Variants in PNMA8B observed in about 807,000 individuals in gnomAD.
PNMA8B encodes the protein PNMA family member 8B.
For missense variants in PNMA8B, 887 were observed against 885.8 expected, an observed-to-expected ratio of 1.00 and a Z score of -0.02; for synonymous variants, 386 against 394.9, an observed-to-expected ratio of 0.98 and a Z score of 0.27.
In PNMA8B at chr19:46,494,106, G is replaced by A; in HGVS notation, c.1360C>T (p.Leu454Phe). ...TCCGCCATGTCCTGGGCAGCCAGGA[G>A]CGCCACCAGCTCCAGAAGACCCCCT... ...DEGGLLELVA[L>F]LAAQDMAEVM... Residue 454 changes from leucine (L) to phenylalanine (F), a missense_variant, in exon 1 of 1, where the codon CTC (leucine) becomes TTC (phenylalanine). Leu to Phe is a conservative substitution (Grantham distance 22, BLOSUM62 0). Transcript: ENST00000599531. 2 of 1,612,388 alleles carry A rather than the reference G, an allele frequency of 1.2e-6. No homozygotes were observed. The highest frequency in any genetic ancestry group is 1.7e-6 in the Non-Finnish European group (2 of 1,179,830).
chr19:46,494,745 A>G lies in PNMA8B; in HGVS notation c.721T>C (p.Cys241Arg). The G allele has an allele frequency of 6.2e-7, 1 of 1,613,870 alleles. No homozygotes were observed. The highest frequency in any genetic ancestry group is 8.5e-7 in the Non-Finnish European group (1 of 1,179,866). ...CCGTCTTCTTCCCCCTCGGAGTTGC[A>G]GGGCGCCCACTGCCTAACCAGCTCC... ...ARELVRQWAP[C>R]NSEGEEDGPR... Residue 241 changes from cysteine (C) to arginine (R), a missense_variant, in exon 1 of 1, where the codon TGC (cysteine) becomes CGC (arginine). Cys to Arg is a radical substitution (Grantham distance 180). Coordinates refer to ENST00000599531, the MANE Select transcript of PNMA8B (RefSeq NM_020709.3).
rs918353658 is a variant in PNMA8B at position 46,493,478 on chromosome 19, G to C, written c.*80C>G. On this transcript the variant is annotated 3_prime_UTR_variant, in exon 1 of 1. Transcript: ENST00000599531. This position sits in a 1 kb window ranked among gnomAD's most constrained non-coding sequence, Gnocchi z 5.3. ...TTGCGTCTGCGGAGGACAGGAAGAG[G>C]GGAGGGGAGGGCGGGGGCCACAGGC... 26 of 884,482 alleles carry C rather than the reference G, an allele frequency of 2.9e-5. No individual in the cohort carries two copies. Among genetic ancestry groups the C allele is most frequent in the Non-Finnish European group, 3.8e-5 (25 of 655,422 alleles). The allele number at this position is 884,482 out of a possible 1,614,324, so 54.8% of individuals were successfully genotyped here. A position where few individuals can be genotyped will look rare whatever the true frequency, so the allele number is the denominator to read the frequency against.
Position 46,493,210 on chromosome 19 carries a change from C to T in PNMA8B, c.*348G>A. On this transcript the variant is annotated 3_prime_UTR_variant, in exon 1 of 1. Coordinates refer to ENST00000599531, the MANE Select transcript of PNMA8B (RefSeq NM_020709.3). The surrounding 1 kb of genome is among the most constrained non-coding windows in gnomAD (Gnocchi z 5.3). Reference sequence around the variant, plus strand: ...AGAGCGCCACGAAGAGCCCTGCTCGCCTCTGCAGGTGCCCGGCGTCCACAC... The same window carrying T: ...AGAGCGCCACGAAGAGCCCTGCTCGTCTCTGCAGGTGCCCGGCGTCCACAC... 1 of 216,430 alleles carries T rather than the reference C, an allele frequency of 4.6e-6. No homozygotes were observed. The highest frequency in any genetic ancestry group is 9.1e-6 in the Non-Finnish European group (1 of 109,714). 13.4% of individuals were successfully genotyped at this position (216,430 alleles called of 1,614,324 possible). A position where few individuals can be genotyped will look rare whatever the true frequency, so the allele number is the denominator to read the frequency against.
Position 46,495,083 on chromosome 19 carries a change from G to C in PNMA8B, c.383C>G (p.Pro128Arg), listed in dbSNP as rs1412759793. 2 of 1,612,658 alleles carry C rather than the reference G, an allele frequency of 1.2e-6. No homozygotes were observed. The highest frequency in any genetic ancestry group is 1.7e-6 in the Non-Finnish European group (2 of 1,179,802). The change falls in exon 1 of 1, where the codon CCC (proline) becomes CGC (arginine). Residue 128 changes from proline to arginine, a missense_variant. Transcript: ENST00000599531. ...CTGCGTCTCCGAAGCGGGAGGGGTG[G>C]GTGCCTCCCCGGGGGTCCCAGCCTC... ...AAEAGTPGEA[P>R]TPPASETQAQ...
Position 46,493,731 on chromosome 19 carries a change from TCC to T in PNMA8B, c.1733_1734del (p.Gly578GlufsTer55). On this transcript the variant is annotated frameshift_variant, in exon 1 of 1. Transcript: ENST00000599531. LOFTEE classifies it low-confidence loss of function (END_TRUNC). This position sits in a 1 kb window ranked among gnomAD's most constrained non-coding sequence, Gnocchi z 5.3. ...GRGVTPEKKA[G>X]SRGSAQDDAA... ...GCGTCGTCCTGGGCCGAGCCCCGGCTCCCGGCTTTCTTCTCGGGAGTGACGCC... is the reference window on the plus strand; with the variant it reads ...GCGTCGTCCTGGGCCGAGCCCCGGCTCGGCTTTCTTCTCGGGAGTGACGCC... The T allele has an allele frequency of 6.7e-7, 1 of 1,492,330 alleles. No homozygotes were observed. Among genetic ancestry groups the T allele is most frequent in the South Asian group, 1.3e-5 (1 of 78,072 alleles). The allele number at this position is 1,492,330 out of a possible 1,614,324, so 92.4% of individuals were successfully genotyped here.
At position 46,495,292 on chromosome 19, in the gene PNMA8B, C is replaced by T. The variant is rs1970077881; in HGVS notation, c.174G>A (p.Met58Ile). 4.2e-6 allele frequency: 6 copies of T among 1,441,718 alleles called. No homozygotes were observed. The highest frequency in any genetic ancestry group is 1.1e-5 in the South Asian group (1 of 87,800). The allele number at this position is 1,441,718 out of a possible 1,614,324, so 89.3% of individuals were successfully genotyped here. A position where few individuals can be genotyped will look rare whatever the true frequency, so the allele number is the denominator to read the frequency against. The change falls in exon 1 of 1, where the codon ATG becomes ATA. Residue 58 changes from methionine to isoleucine, a missense_variant. Transcript: ENST00000599531. ...TFRLRHMKAL[M>I]NEKAQAALVE... ...CCAGGGCGGCCTGGGCCTTCTCGTT[C>T]ATCAAAGCCTTCATGTGTCGCAACC... is the stretch of plus-strand genomic sequence containing the variant.
Position 46,493,894 on chromosome 19 carries a change from C to A in PNMA8B, c.1572G>T (p.Glu524Asp), listed in dbSNP as rs551063520. Reference sequence around the variant, plus strand: ...GCTTCCTGGATGCCCTGTCCTCCGGCTCCGACGCCTCGCTCTCGGTGTCCT... The same window carrying A: ...GCTTCCTGGATGCCCTGTCCTCCGGATCCGACGCCTCGCTCTCGGTGTCCT... ...ESEDTESEAS[E>D]PEDRASRKPR... The change falls in exon 1 of 1, where the codon GAG becomes GAT. Residue 524 changes from glutamate to aspartate, a missense_variant. Coordinates refer to ENST00000599531, the MANE Select transcript of PNMA8B (RefSeq NM_020709.3). The surrounding 1 kb of genome is among the most constrained non-coding windows in gnomAD (Gnocchi z 5.3). 1 of 1,562,348 alleles carries A rather than the reference C, an allele frequency of 6.4e-7. No homozygotes were observed.
rs369389159 is a variant in PNMA8B at position 46,493,839 on chromosome 19, T to A, written c.1627A>T (p.Arg543Trp). 13 of 1,459,258 alleles carry A rather than the reference T, an allele frequency of 8.9e-6. No homozygotes were observed. The African/African-American group carries it at 1.3e-4, about 15-fold the overall frequency. The allele number at this position is 1,459,258 out of a possible 1,614,324, so 90.4% of individuals were successfully genotyped here. ...PRAKRARTAP[R>W]GLTPAGAPPT... Reference sequence around the variant, plus strand: ...GGCGCGCCGGCCGGAGTCAGGCCCCTGGGGGCCGTGCGCGCCCTCTTGGCC... The same window carrying A: ...GGCGCGCCGGCCGGAGTCAGGCCCCAGGGGGCCGTGCGCGCCCTCTTGGCC... The change falls in exon 1 of 1, where the codon AGG becomes TGG. Residue 543 changes from arginine to tryptophan, a missense_variant. Physicochemically the swap from Arg to Trp is moderately radical, Grantham distance 101 (BLOSUM62 -3). Transcript: ENST00000599531. This position sits in a 1 kb window ranked among gnomAD's most constrained non-coding sequence, Gnocchi z 5.3.
rs1224266971 is a variant in PNMA8B, at chr19:46,492,713, G to C, written c.*845C>G. 6.6e-6 allele frequency: 1 copy of C among 152,424 alleles called. No individual in the cohort carries two copies. The highest frequency in any genetic ancestry group is 1.5e-5 in the Non-Finnish European group (1 of 68,172). The allele number at this position is 152,424 out of a possible 1,614,324, so 9.4% of individuals were successfully genotyped here. On this transcript the variant is annotated 3_prime_UTR_variant, in exon 1 of 1. Transcript: ENST00000599531. ...TATGGGAGGGGCCAGGGCCCACTCA[G>C]CCCAGAAGAACCAAAACTGGATTTT...
rs1970060089 is a variant in PNMA8B at position 46,494,489 on chromosome 19, T to C, written c.977A>G (p.Glu326Gly). 6.2e-7 allele frequency: 1 copy of C among 1,613,862 alleles called. No homozygotes were observed. Among genetic ancestry groups the C allele is most frequent in the South Asian group, 1.1e-5 (1 of 91,086 alleles). ...GGCCACGAACTCAGGATTATCCAAC[T>C]CCTCTGTTTCTTGGTCCCCACTTTC... ...SQESGDQETE[E>G]LDNPEFVAIV... The change falls in exon 1 of 1, where the codon GAG (glutamate) becomes GGG (glycine). Residue 326 changes from glutamate to glycine, a missense_variant. Transcript: ENST00000599531.
In PNMA8B at chr19:46,493,858, C is replaced by G; in HGVS notation, c.1608G>C (p.Lys536Asn). The change falls in exon 1 of 1, where the codon AAG becomes AAC. Residue 536 changes from lysine (K) to asparagine (N), a missense_variant. Coordinates refer to ENST00000599531, the MANE Select transcript of PNMA8B (RefSeq NM_020709.3). The surrounding 1 kb of genome is among the most constrained non-coding windows in gnomAD (Gnocchi z 5.3). ...GGCCCCTGGGGGCCGTGCGCGCCCT[C>G]TTGGCCCGGGGCTTCCTGGATGCCC... The part of the protein sequence containing the change: ...EDRASRKPRA[K>N]RARTAPRGLT... 6.6e-7 allele frequency: 1 copy of G among 1,512,108 alleles called. No individual in the cohort carries two copies. Among genetic ancestry groups the G allele is most frequent in the South Asian group, 1.3e-5 (1 of 75,844 alleles). 93.7% of individuals were successfully genotyped at this position (1,512,108 alleles called of 1,614,324 possible). A position where few individuals can be genotyped will look rare whatever the true frequency, so the allele number is the denominator to read the frequency against.
In PNMA8B at chr19:46,494,330, A is replaced by G; in HGVS notation, c.1136T>C (p.Met379Thr). 6.2e-7 allele frequency: 1 copy of G among 1,613,194 alleles called. No homozygotes were observed. Among genetic ancestry groups the G allele is most frequent in the African/African-American group, 1.3e-5 (1 of 75,070 alleles). Residue 379 changes from methionine to threonine, a missense_variant, in exon 1 of 1, where the codon ATG becomes ACG. Transcript: ENST00000599531. The part of the protein sequence containing the change: ...RDPLRQVLSV[M>T]SKDTNGTRVK... ...GCGGGTCCCGTTAGTGTCCTTGGAC[A>G]TGACGGACAAGACCTGTCGGAGGGG...
At position 46,493,725 on chromosome 19, in the gene PNMA8B, C is replaced by CCCGGCT. The variant is rs1239108553; in HGVS notation, c.1735_1740dup (p.Ser579_Arg580dup). ...CCTGCGGCGTCGTCCTGGGCCGAGC[C>CCCGGCT]CCGGCTCCCGGCTTTCTTCTCGGGA... is the stretch of plus-strand genomic sequence containing the variant. On this transcript the variant is annotated inframe_insertion, in exon 1 of 1. Coordinates refer to ENST00000599531, the MANE Select transcript of PNMA8B (RefSeq NM_020709.3). The surrounding 1 kb of genome is among the most constrained non-coding windows in gnomAD (Gnocchi z 5.3). The CCCGGCT allele has an allele frequency of 6.7e-7, 1 of 1,495,404 alleles. No individual in the cohort carries two copies. The highest frequency in any genetic ancestry group is 2.8e-5 in the East Asian group (1 of 36,286). The allele number at this position is 1,495,404 out of a possible 1,614,324, so 92.6% of individuals were successfully genotyped here. A position where few individuals can be genotyped will look rare whatever the true frequency, so the allele number is the denominator to read the frequency against.
Position 46,494,847 on chromosome 19 carries a change from C to A in PNMA8B, c.619G>T (p.Glu207Ter), listed in dbSNP as rs564007042. 3.7e-6 allele frequency: 6 copies of A among 1,613,372 alleles called. No individual in the cohort carries two copies. Among genetic ancestry groups the A allele is most frequent in the Non-Finnish European group, 5.1e-6 (6 of 1,179,892 alleles). ...CTCAGGTCGCCCTGGTCGATCTCCT[C>A]GATCACGATGCCCAGGCTCTCGTCG... The part of the protein sequence containing the change: ...SSDESLGIVI[E>*]EIDQGDLSGE... Residue 207 changes from glutamate (E) to a stop codon, truncating the protein, a stop_gained, in exon 1 of 1, where the codon GAG becomes TAG. Transcript: ENST00000599531. LOFTEE classifies it low-confidence loss of function (END_TRUNC).
chr19:46,493,633 C>T lies in PNMA8B; in HGVS notation c.1833G>A (p.Gln611=), dbSNP rs1361704424. ...GCGCGGCCTTGGATCCAGTGGGCGC[C>T]TGGCCCTTGGCCTCGCCTGCCCTGG... The part of the protein sequence containing the change: ...AHARAGEAKG[Q]APTGSKAARG... Residue 611 remains glutamine, a synonymous_variant, in exon 1 of 1, where the codon CAG becomes CAA. Transcript: ENST00000599531. This position sits in a 1 kb window ranked among gnomAD's most constrained non-coding sequence, Gnocchi z 5.3. 2 of 1,534,172 alleles carry T rather than the reference C, an allele frequency of 1.3e-6. No individual in the cohort carries two copies. The highest frequency in any genetic ancestry group is 1.9e-5 in the Admixed American group (1 of 51,334).
In PNMA8B at chr19:46,494,027, G is replaced by T; in HGVS notation, c.1439C>A (p.Pro480His). The part of the protein sequence containing the change: ...NAWEGGKYKY[P>H]KGKLGEVLAL... ...CAATACCTCCCCCAGTTTGCCTTTGGGGTATTTGTACTTCCCGCCTTCCCA... is the reference window on the plus strand; with the variant it reads ...CAATACCTCCCCCAGTTTGCCTTTGTGGTATTTGTACTTCCCGCCTTCCCA... Residue 480 changes from proline (P) to histidine (H), a missense_variant, in exon 1 of 1, where the codon CCC becomes CAC. By Grantham distance (77) the Pro-to-His change is moderately conservative (BLOSUM62 -2). Transcript: ENST00000599531. 1.2e-6 allele frequency: 2 copies of T among 1,613,528 alleles called. No individual in the cohort carries two copies. The highest frequency in any genetic ancestry group is 2.2e-5 in the South Asian group (2 of 91,062).
In PNMA8B at chr19:46,494,962, G is replaced by C; in HGVS notation, c.504C>G (p.Thr168=). The C allele has an allele frequency of 6.2e-7, 1 of 1,609,416 alleles. No homozygotes were observed. Residue 168 remains threonine (T), a synonymous_variant, in exon 1 of 1, where the codon ACC becomes ACG. Transcript: ENST00000599531. ...RRGRRGRRNR[T]RRNRLTQKGK... The stretch of plus-strand genomic sequence containing the variant: ...CCTTCTGGGTCAACCTGTTGCGTCT[G>C]GTTCTGTTTCTGCGACCCCGACGGC...
Position 46,493,291 on chromosome 19 carries a change from C to G in PNMA8B, c.*267G>C, listed in dbSNP as rs1048275507. On this transcript the variant is annotated 3_prime_UTR_variant, in exon 1 of 1. Transcript: ENST00000599531. The surrounding 1 kb of genome is among the most constrained non-coding windows in gnomAD (Gnocchi z 5.3). ...CCAATCCTGGTCCACTTGGCGCGTC[C>G]CCATCTCGGCCCTGCGCTGCTGCCT... 1.4e-5 allele frequency: 5 copies of G among 364,812 alleles called. No homozygotes were observed. The highest frequency in any genetic ancestry group is 1.9e-5 in the Non-Finnish European group (4 of 205,218). The allele number at this position is 364,812 out of a possible 1,614,324, so 22.6% of individuals were successfully genotyped here.
chr19:46,493,912 G>A lies in PNMA8B; in HGVS notation c.1554C>T (p.Thr518=), dbSNP rs759433142. 2 of 1,577,564 alleles carry A rather than the reference G, an allele frequency of 1.3e-6. No homozygotes were observed. Among genetic ancestry groups the A allele is most frequent in the South Asian group, 1.1e-5 (1 of 88,984 alleles). ...CCTCCGGCTCCGACGCCTCGCTCTC[G>A]GTGTCCTCCGACTCCTCCTCGGACT... ...DEQSEEESED[T]ESEASEPEDR... is the part of the protein sequence containing the mutation. Residue 518 remains threonine (T), a synonymous_variant, in exon 1 of 1, where the codon ACC becomes ACT. Transcript: ENST00000599531. The surrounding 1 kb of genome is among the most constrained non-coding windows in gnomAD (Gnocchi z 5.3).
Sources: gnomAD v4.1 joint callset for allele counts on GRCh38, gnomAD v4.1.1 for gene constraint, Gnocchi (gnomAD v3.1) non-coding constraint, MANE v1.5 for transcripts, NCBI Gene and HGNC (gene_info 2026-07-23, HGNC 2026-07-21) for gene names.